The following CPEB1 variants were observed in gnomAD, a reference collection of about 807,000 sequenced individuals.
CPEB1 encodes the protein cytoplasmic polyadenylation element-binding protein 1.
Under a neutral mutation model 65.8 loss-of-function variants are expected in CPEB1, and 7 were observed. The ratio of observed to expected loss-of-function variants is 0.11; its 90% CI spans 0.06 to 0.20. The LOEUF (loss-of-function observed/expected upper bound fraction) is 0.20, where lower values mean the gene tolerates loss of function less well. Among genes scored for constraint, CPEB1 ranks in the 10% least tolerant of loss-of-function variants. The pLI is 1.00. For synonymous variants in CPEB1, 262 were observed against 260.0 expected (o/e 1.01, Z -0.08); for missense variants, 551 against 712.2 (o/e 0.77, Z 2.58).
chr15:82,631,086 T>C lies in CPEB1; in HGVS notation c.-97-2530A>G, dbSNP rs559524682. On this transcript the variant is annotated intron_variant, in intron 1 of 12. Coordinates refer to ENST00000684509, the MANE Select transcript of CPEB1 (RefSeq NM_001365242.1). ...AAGGATTAGTGAGAAAGTACCACAG[T>C]AGTCTAGGGAACAGATGCAGACTTG... Among the ~76,000 whole-genome samples the C allele has an allele frequency of 1.1e-4, 16 of 152,210 alleles. No homozygotes were observed. The East Asian group carries it at 3.1e-3, about 29-fold the overall frequency.
intron 4 of CPEB1, among the ~76,000 whole-genome samples, chr15:82,559,634 T>A (rs1229424341): frequency 1.3e-5 from 2 of 152,212 alleles, no homozygotes. Context: ...AGCAAGGAGT[T>A]AGTTTAGCAT....
At chr15:82,562,092 G>GT (rs2038317894) in intron 4 of CPEB1, 1 of 400,182 alleles carries the variant, frequency 2.5e-6, no homozygotes, top group Non-Finnish European at 4.9e-6. Flanking sequence ...GTTTGTAAAA[G>GT]TAACAGCTAA....
In CPEB1 at chr15:82,643,141, G is replaced by A. The variant is rs58089745; in HGVS notation, c.-98+3996C>T. Among the ~76,000 whole-genome samples the A allele has an allele frequency of 2.5e-3, 377 of 152,162 alleles. 2 individuals carry two copies. The highest frequency in any genetic ancestry group is 6.4e-3 in the African/African-American group (267 of 41,518). On this transcript the variant is annotated intron_variant, in intron 1 of 12. Transcript: ENST00000684509. ...CCACACCCCCAAATCCACAAACACT[G>A]AACTCATAGCTGAGTGCCTTGCTGG...
intron 3 of CPEB1, among the ~76,000 whole-genome samples, chr15:82,579,294 C>T (rs1332040810): frequency 6.6e-6 from 1 of 152,112 alleles, no homozygotes; most frequent in Non-Finnish European, 1.5e-5. Flanking sequence ...GACCCCGTTT[C>T]TACAAAAAGT....
At chr15:82,592,249 T>G (rs2042316883) in intron 3 of CPEB1, among the ~76,000 whole-genome samples, 1 of 152,312 alleles carries the variant, frequency 6.6e-6, no homozygotes, top group East Asian at 1.9e-4. Flanking sequence ...TCAAAGTGAA[T>G]ACTACAATAG....
At chr15:82,648,197 C>G, upstream of CPEB1, 1 of 302,270 alleles carries the variant, frequency 3.3e-6, no homozygotes, top group Non-Finnish European at 6.1e-6. Flanking sequence ...GGGCCAGAGA[C>G]CTAAGCCTGA....
At position 82,547,221 on chromosome 15, in the gene CPEB1, A is replaced by T; in HGVS notation, c.1497T>A (p.Thr499=). 1 of 1,611,796 alleles carries T rather than the reference A, an allele frequency of 6.2e-7. No individual in the cohort carries two copies. Among genetic ancestry groups the T allele is most frequent in the Non-Finnish European group, 8.5e-7 (1 of 1,178,254 alleles). ...HKYPIGSGRV[T]FNNQRSYLKA... ...TCAGGTAACTCCGTTGGTTATTGAAAGTCACACGACCAGAACCTAGGACAA... is the reference window on the plus strand; with the variant it reads ...TCAGGTAACTCCGTTGGTTATTGAATGTCACACGACCAGAACCTAGGACAA... Residue 499 remains threonine, a synonymous_variant, in exon 11 of 13, where the codon ACT becomes ACA. Coordinates refer to ENST00000684509, the MANE Select transcript of CPEB1 (RefSeq NM_001365242.1).
chr15:82,600,897 CTTTTTT>C (rs751843256), intron 3 of CPEB1, among the ~76,000 whole-genome samples: 3 of 64,186 alleles, frequency 4.7e-5, no homozygotes, highest in Non-Finnish European at 8.6e-5. Context: ...CAGAACTTGT[CTTTTTT>C]TTTTTTTTTT....
In CPEB1 at chr15:82,544,428, A is replaced by C; in HGVS notation, c.*164T>G. The C allele has an allele frequency of 1.7e-6, 1 of 605,988 alleles. No individual in the cohort carries two copies. Among genetic ancestry groups the C allele is most frequent in the East Asian group, 2.8e-5 (1 of 35,656 alleles). 37.5% of individuals were successfully genotyped at this position (605,988 alleles called of 1,614,324 possible). A position where few individuals can be genotyped will look rare whatever the true frequency, so the allele number is the denominator to read the frequency against. On this transcript the variant is annotated 3_prime_UTR_variant, in exon 13 of 13. Transcript: ENST00000684509. Reference sequence around the variant, plus strand: ...ACCTGACAAAACTCAATGTGCATTAATTAGTGCAGAAACAAAGACAGATTC... The same window carrying C: ...ACCTGACAAAACTCAATGTGCATTACTTAGTGCAGAAACAAAGACAGATTC...
intron 5 of CPEB1, 159 bp downstream of exon 5, chr15:82,557,601 C>T: frequency 1.6e-6 from 1 of 632,548 alleles, no homozygotes; most frequent in South Asian, 2.0e-5. Context: ...AGGATGAGAA[C>T]TCTACAAATG....
At chr15:82,591,615 G>A (rs764272604) in intron 3 of CPEB1, among the ~76,000 whole-genome samples, 4 of 151,962 alleles carry the variant, frequency 2.6e-5, no homozygotes, top group Non-Finnish European at 5.9e-5. Flanking sequence ...TCATATGCTT[G>A]TTGTCCACAT....
chr15:82,549,354 C>A, intron 10 of CPEB1, 106 bp downstream of exon 10: 1 of 1,114,666 alleles, frequency 9.0e-7, no homozygotes, highest in Admixed American at 1.9e-5. Flanking sequence ...TGCTGATCTG[C>A]AGACCTGGGT....
chr15:82,631,595 G>A (rs1395358782), intron 1 of CPEB1, among the ~76,000 whole-genome samples: 1 of 152,042 alleles, frequency 6.6e-6, no homozygotes, highest in Non-Finnish European at 1.5e-5. Context: ...AACGAATACT[G>A]TCTATCAGTC....
At chr15:82,634,523 C>CA (rs2046502147) in intron 1 of CPEB1, among the ~76,000 whole-genome samples, 1 of 152,134 alleles carries the variant, frequency 6.6e-6, no homozygotes, top group Non-Finnish European at 1.5e-5. Flanking sequence ...GAAGACCCTT[C>CA]AAGACTATTA....
At position 82,646,870 on chromosome 15, in the gene CPEB1, C is replaced by G. The variant is rs182066322; in HGVS notation, c.-98+267G>C. Among the ~76,000 whole-genome samples the G allele has an allele frequency of 2.8e-4, 43 of 152,258 alleles. No homozygotes were observed. In the South Asian group the frequency reaches 7.7e-3, roughly 27 times the overall value. On this transcript the variant is annotated intron_variant, in intron 1 of 12. Coordinates refer to ENST00000684509, the MANE Select transcript of CPEB1 (RefSeq NM_001365242.1). ...ACACTCAGGTGACTCCAGGCGGGCACAGGCCCGCCCAACCGCTCGTCATCA... is the reference window on the plus strand; with the variant it reads ...ACACTCAGGTGACTCCAGGCGGGCAGAGGCCCGCCCAACCGCTCGTCATCA...
intron 3 of CPEB1, among the ~76,000 whole-genome samples, chr15:82,612,994 A>G (rs986621747): frequency 1.3e-5 from 2 of 152,026 alleles, no homozygotes; most frequent in Admixed American, 6.6e-5. Context: ...AAGGAAGACT[A>G]TTATAAATTT....
intron 3 of CPEB1, among the ~76,000 whole-genome samples, chr15:82,587,412 A>C (rs1042732965): frequency 3.3e-5 from 5 of 152,266 alleles, no homozygotes; most frequent in African/African-American, 9.6e-5. Flanking sequence ...GCGAAAACTG[A>C]AAATAACTAT....
intron 1 of CPEB1, among the ~76,000 whole-genome samples, chr15:82,631,323 TAAG>T (rs1203946335): frequency 1.3e-5 from 2 of 152,094 alleles, no homozygotes; most frequent in Non-Finnish European, 2.9e-5. Flanking sequence ...AGCTCTAGCT[TAAG>T]ATGACATTAT....
intron 3 of CPEB1, among the ~76,000 whole-genome samples, chr15:82,593,555 T>C (rs1054496326): frequency 2.0e-5 from 3 of 152,214 alleles, no homozygotes; most frequent in Non-Finnish European, 4.4e-5. Context: ...TCTATGAAGT[T>C]TGGAATCAAC....
Sources: gnomAD v4.1 joint callset for allele counts (sites outside exome capture counted in the v4.1 genomes callset) on GRCh38, gnomAD v4.1.1 for gene constraint, MANE v1.5 for transcripts, NCBI Gene and HGNC (gene_info 2026-07-23, HGNC 2026-07-21) for gene names.